Variants in ATXN10 observed in about 807,000 individuals in gnomAD.
The protein encoded by ATXN10 is ataxin 10, also known as ataxin-10.
ATXN10 carries 28 observed loss-of-function variants against 52.9 expected under a neutral mutation model. That is an observed-to-expected ratio of 0.53 (90% CI 0.39 to 0.73). ATXN10 has a LOEUF of 0.73. ATXN10 is among the 30% of genes least tolerant of loss of function. The pLI is 0.00. For synonymous variants in ATXN10, 226 were observed against 221.5 expected, an observed-to-expected ratio of 1.02 and a Z score of -0.18; for missense variants, 565 against 577.0, an observed-to-expected ratio of 0.98 and a Z score of 0.21.
At chr22:45,811,525 A>G (rs536803668) in intron 10 of ATXN10, among the ~76,000 whole-genome samples, 1 of 152,312 alleles carries the variant, frequency 6.6e-6, no homozygotes, top group South Asian at 2.1e-4. Flanking sequence ...TTATCATTGT[A>G]TTATAGGCAC....
intron 9 of ATXN10, among the ~76,000 whole-genome samples, chr22:45,771,647 C>T (rs1926783418): frequency 6.6e-6 from 1 of 152,052 alleles, no homozygotes; most frequent in Non-Finnish European, 1.5e-5. Context: ...GAACTCCTGA[C>T]CTCAAGTGAT....
intron 10 of ATXN10, among the ~76,000 whole-genome samples, chr22:45,839,254 A>G (rs1929267720): frequency 6.6e-6 from 1 of 152,142 alleles, no homozygotes; most frequent in South Asian, 2.1e-4. Context: ...ATCTTTTTGC[A>G]CTTTGGATAC....
At chr22:45,765,210 G>C (rs1349806843) in intron 9 of ATXN10, among the ~76,000 whole-genome samples, 1 of 152,128 alleles carries the variant, frequency 6.6e-6, no homozygotes, top group African/African-American at 2.4e-5. Flanking sequence ...GCAATGGCAG[G>C]AGGAAAGATT....
In ATXN10 at chr22:45,825,072, T is replaced by C. The variant is rs1422338879; in HGVS notation, c.1238-17919T>C. Among the ~76,000 whole-genome samples the C allele has an allele frequency of 2.6e-5, 4 of 152,238 alleles. No individual in the cohort carries two copies. The highest frequency in any genetic ancestry group is 4.4e-5 in the Non-Finnish European group (3 of 68,040). On this transcript the variant is annotated intron_variant, in intron 10 of 11. Coordinates refer to ENST00000252934, the MANE Select transcript of ATXN10 (RefSeq NM_013236.4). The surrounding 1 kb of genome is among the most constrained non-coding windows in gnomAD (Gnocchi z 4.5). ...CCCCAGTCCTATGGCAGACAGCTGC[T>C]GTACACTGTTCCTAGAGCATCTTGC...
In ATXN10 at chr22:45,795,423, CTTTTT is replaced by C. The variant is rs1927697707; in HGVS notation, c.1174-11535_1174-11531del. Among the ~76,000 whole-genome samples the C allele has an allele frequency of 7.9e-6, 1 of 126,178 alleles. No individual in the cohort carries two copies. The highest frequency in any genetic ancestry group is 7.7e-5 in the Admixed American group (1 of 13,034). The allele number at this position is 126,178 out of a possible 152,430, so 82.8% of individuals were successfully genotyped here. On this transcript the variant is annotated intron_variant, in intron 9 of 11. Transcript: ENST00000252934. This position sits in a 1 kb window ranked among gnomAD's most constrained non-coding sequence, Gnocchi z 4.6. The stretch of plus-strand genomic sequence containing the variant: ...CTATTCTATTCTATTCTATTCTATT[CTTTTT>C]GAGATGAAGTCTCTCTATGTTGCCC...
rs1363716378 is a variant in ATXN10 at position 45,802,901 on chromosome 22, C to A, written c.1174-4058C>A. On this transcript the variant is annotated intron_variant, in intron 9 of 11. Coordinates refer to ENST00000252934, the MANE Select transcript of ATXN10 (RefSeq NM_013236.4). ...TTTATTTCTCACTAATCAAAAAAAA[C>A]CTGGTTTTTGAAAATAAATTTGAAA... 2.0e-5 allele frequency among the ~76,000 whole-genome samples: 3 copies of A among 152,074 alleles called. No individual in the cohort carries two copies. In the East Asian group the frequency reaches 5.8e-4, roughly 29 times the overall value.
At position 45,784,411 on chromosome 22, in the gene ATXN10, C is replaced by T. The variant is rs1276804626; in HGVS notation, c.1174-22548C>T. Among the ~76,000 whole-genome samples the T allele has an allele frequency of 6.6e-6, 1 of 152,182 alleles. No individual in the cohort carries two copies. The highest frequency in any genetic ancestry group is 1.5e-5 in the Non-Finnish European group (1 of 68,032). On this transcript the variant is annotated intron_variant, in intron 9 of 11. Coordinates refer to ENST00000252934, the MANE Select transcript of ATXN10 (RefSeq NM_013236.4). This position sits in a 1 kb window ranked among gnomAD's most constrained non-coding sequence, Gnocchi z 4.2. Reference sequence around the variant, plus strand: ...CTTTCCCTCGCCTATTTCCCATTTTCAAGCAGAGCTAACACAGCTTCTAAG... The same window carrying T: ...CTTTCCCTCGCCTATTTCCCATTTTTAAGCAGAGCTAACACAGCTTCTAAG...
chr22:45,744,157 T>A lies in ATXN10; in HGVS notation c.1173+3619T>A, dbSNP rs572746586. 1.3e-5 allele frequency among the ~76,000 whole-genome samples: 2 copies of A among 152,214 alleles called. No individual in the cohort carries two copies. Among genetic ancestry groups the A allele is most frequent in the Non-Finnish European group, 2.9e-5 (2 of 68,026 alleles). On this transcript the variant is annotated intron_variant, in intron 9 of 11. Transcript: ENST00000252934. The surrounding 1 kb of genome is among the most constrained non-coding windows in gnomAD (Gnocchi z 4.9). Reference sequence around the variant, plus strand: ...GTAATTCAGGCAAGGTATTAATATCTTCTGTGGAGCTTCCATTCTGGCATC... The same window carrying A: ...GTAATTCAGGCAAGGTATTAATATCATCTGTGGAGCTTCCATTCTGGCATC...
rs187797259 is a variant in ATXN10, at chr22:45,716,632, A to G, written c.648-1781A>G. ...GTGCTGGGATTACAAGGTGTGAGCC[A>G]CGGCCTGGAATGTTTCTATTAATAA... On this transcript the variant is annotated intron_variant, in intron 5 of 11. Coordinates refer to ENST00000252934, the MANE Select transcript of ATXN10 (RefSeq NM_013236.4). 4.1e-3 allele frequency among the ~76,000 whole-genome samples: 619 copies of G among 152,254 alleles called. 1 individual carries two copies. Among genetic ancestry groups the G allele is most frequent in the Non-Finnish European group, 6.3e-3 (431 of 68,020 alleles).
rs971842448 is a variant in ATXN10, at chr22:45,715,147, A to G, written c.648-3266A>G. Among the ~76,000 whole-genome samples, 2 of 152,202 alleles carry G rather than the reference A, an allele frequency of 1.3e-5. No homozygotes were observed. Among genetic ancestry groups the G allele is most frequent in the Admixed American group, 6.5e-5 (1 of 15,280 alleles). On this transcript the variant is annotated intron_variant, in intron 5 of 11. Transcript: ENST00000252934. The surrounding 1 kb of genome is among the most constrained non-coding windows in gnomAD (Gnocchi z 4.4). Reference sequence around the variant, plus strand: ...TTTATGAACATATTGATCAAATCACATTTATTGAACATTTGTTAGGAGATT... The same window carrying G: ...TTTATGAACATATTGATCAAATCACGTTTATTGAACATTTGTTAGGAGATT...
At position 45,844,369 on chromosome 22, in the gene ATXN10, C is replaced by T. The variant is rs925596669; in HGVS notation, c.*698C>T. 1 of 152,668 alleles carries T rather than the reference C, an allele frequency of 6.6e-6. No homozygotes were observed. Among genetic ancestry groups the T allele is most frequent in the Admixed American group, 6.5e-5 (1 of 15,308 alleles). 9.5% of individuals were successfully genotyped at this position (152,668 alleles called of 1,614,324 possible). ...CTGTGTCAAGGTGAATGCCTGTGTC[C>T]TCCCCAGCTTCATGCCTCTGTCATG... On this transcript the variant is annotated 3_prime_UTR_variant, in exon 12 of 12. Transcript: ENST00000252934.
At chr22:45,812,872 G>A (rs544924167) in intron 10 of ATXN10, among the ~76,000 whole-genome samples, 1 of 152,240 alleles carries the variant, frequency 6.6e-6, no homozygotes, top group South Asian at 2.1e-4. Context: ...GCCACCCTAC[G>A]GGTTAGGAAA....
chr22:45,716,344 G>A (rs1342064844), intron 5 of ATXN10, among the ~76,000 whole-genome samples: 2 of 88,422 alleles, frequency 2.3e-5, no homozygotes, highest in African/African-American at 9.2e-5. Flanking sequence ...TTTTTTTTTT[G>A]GAGATAGAGT....
At chr22:45,811,109 A>T (rs1928265625) in intron 10 of ATXN10, among the ~76,000 whole-genome samples, 1 of 152,158 alleles carries the variant, frequency 6.6e-6, no homozygotes, top group Non-Finnish European at 1.5e-5. Flanking sequence ...GGTATTTTAA[A>T]ATGTCAACCT....
intron 10 of ATXN10, among the ~76,000 whole-genome samples, chr22:45,815,533 A>G (rs1214553177): frequency 6.6e-6 from 1 of 152,066 alleles, no homozygotes; most frequent in Non-Finnish European, 1.5e-5. Flanking sequence ...CATTTTCAGA[A>G]CAGTTCTCTT....
At chr22:45,793,509 A>C in intron 9 of ATXN10, 1 of 1,179,662 alleles carries the variant, frequency 8.5e-7, no homozygotes, top group Non-Finnish European at 1.1e-6. Flanking sequence ...TGCTATTCTG[A>C]ATTCACGATT....
At chr22:45,767,580 C>A (rs1926629768) in intron 9 of ATXN10, among the ~76,000 whole-genome samples, 1 of 151,678 alleles carries the variant, frequency 6.6e-6, no homozygotes, top group Non-Finnish European at 1.5e-5. Context: ...AACTAAAATT[C>A]TTTGAGTGTG....
chr22:45,768,500 C>T (rs1417547533), intron 9 of ATXN10, among the ~76,000 whole-genome samples: 7 of 152,134 alleles, frequency 4.6e-5, no homozygotes, highest in Admixed American at 3.9e-4. Flanking sequence ...AAGTATAATA[C>T]CACGTGTGAA....
At chr22:45,709,749 A>G (rs1023681689) in intron 5 of ATXN10, among the ~76,000 whole-genome samples, 1 of 152,140 alleles carries the variant, frequency 6.6e-6, no homozygotes, top group African/African-American at 2.4e-5. Flanking sequence ...ACAGCTTCCT[A>G]TTATGTGCTT....
Sources: gnomAD v4.1 joint callset for allele counts (sites outside exome capture counted in the v4.1 genomes callset) on GRCh38, gnomAD v4.1.1 for gene constraint, Gnocchi (gnomAD v3.1) non-coding constraint, MANE v1.5 for transcripts, NCBI Gene and HGNC (gene_info 2026-07-23, HGNC 2026-07-21) for gene names.